RSF1: variants seen among roughly 807,000 people sequenced by gnomAD.
RSF1 encodes the protein remodeling and spacing factor 1.
A neutral mutation model predicts 145.2 loss-of-function variants in RSF1; 13 were observed. The ratio of observed to expected loss-of-function variants is 0.09; its 90% CI spans 0.06 to 0.14. The LOEUF (loss-of-function observed/expected upper bound fraction) is 0.14. Among genes scored for constraint, RSF1 ranks in the 10% least tolerant of loss-of-function variants. The pLI, the probability that RSF1 is intolerant of heterozygous loss-of-function variation, is 1.00. For missense variants in RSF1, 1,517 were observed against 1,718.2 expected, an observed-to-expected ratio of 0.88 and a Z score of 2.07; for synonymous variants, 577 against 592.6, an observed-to-expected ratio of 0.97 and a Z score of 0.38.
intron 5 of RSF1, among the ~76,000 whole-genome samples, chr11:77,721,822 G>A (rs1960947095): frequency 6.6e-6 from 1 of 152,138 alleles, no homozygotes; most frequent in Non-Finnish European, 1.5e-5. Context: ...TTCACTGAAT[G>A]AATGAATGAA....
At chr11:77,820,107 G>A (rs574556141) in intron 1 of RSF1, among the ~76,000 whole-genome samples, 1 of 152,320 alleles carries the variant, frequency 6.6e-6, no homozygotes, top group East Asian at 1.9e-4. Context: ...GGTGGGAGGA[G>A]GGGAGGGAGT....
intron 2 of RSF1, among the ~76,000 whole-genome samples, chr11:77,747,560 T>C (rs1948015151): frequency 6.6e-6 from 1 of 152,260 alleles, no homozygotes; most frequent in Admixed American, 6.5e-5. Context: ...TTGAACTCAT[T>C]GTTCTACTAT....
At chr11:77,692,232 A>ATTTTTTTTTTTTTTT (rs1565149884) in intron 8 of RSF1, among the ~76,000 whole-genome samples, 1 of 59,738 alleles carries the variant, frequency 1.7e-5, no homozygotes, top group Non-Finnish European at 3.0e-5. Context: ...ACTACTTTTA[A>ATTTTTTTTTTTTTTT]ATTTTTTTTT....
intron 1 of RSF1, among the ~76,000 whole-genome samples, chr11:77,812,882 C>T (rs897275392): frequency 3.4e-4 from 27 of 79,704 alleles, no homozygotes; most frequent in Admixed American, 2.9e-3. Flanking sequence ...AGAGCTCCAT[C>T]TCAAAAAAAA....
At chr11:77,737,546 C>A (rs1438592178) in intron 4 of RSF1, among the ~76,000 whole-genome samples, 1 of 150,870 alleles carries the variant, frequency 6.6e-6, no homozygotes, top group Non-Finnish European at 1.5e-5. Flanking sequence ...TCCTTCTGAA[C>A]AATTGCCACA....
chr11:77,787,833 T>TAA (rs57568918), intron 1 of RSF1, among the ~76,000 whole-genome samples: 81 of 129,468 alleles, frequency 6.3e-4, no homozygotes, highest in Non-Finnish European at 1.0e-3. Context: ...TTCAGAACAG[T>TAA]AAAAAAAAAA....
intron 1 of RSF1, among the ~76,000 whole-genome samples, chr11:77,805,278 G>A (rs1330705522): frequency 6.6e-6 from 1 of 152,150 alleles, no homozygotes; most frequent in Non-Finnish European, 1.5e-5. Context: ...AGACCAGCCC[G>A]GCCTACATGG....
the RSF1 span, chr11:77,841,293 C>G: frequency 4.3e-6 from 3 of 699,406 alleles, no homozygotes; most frequent in South Asian, 4.5e-5. Context: ...TGCAGACATT[C>G]AAACCATAGC....
At chr11:77,861,661 A>G in the RSF1 span, among the ~76,000 whole-genome samples, 2 of 152,266 alleles carry the variant, frequency 1.3e-5, no homozygotes, top group African/African-American at 4.8e-5. Flanking sequence ...CTATGTGGAC[A>G]ATCTTTTTTA....
chr11:77,818,653 C>T (rs180722283), intron 1 of RSF1, among the ~76,000 whole-genome samples: 2 of 152,110 alleles, frequency 1.3e-5, no homozygotes, highest in South Asian at 4.2e-4. Flanking sequence ...GTGGTGCACA[C>T]CTGTAATCCC....
At chr11:77,811,606 T>C (rs1948732234) in intron 1 of RSF1, among the ~76,000 whole-genome samples, 1 of 152,156 alleles carries the variant, frequency 6.6e-6, no homozygotes, top group South Asian at 2.1e-4. Context: ...ATGGGGATGG[T>C]ATATTCGACT....
At chr11:77,678,405 C>G (rs1230305086) in intron 11 of RSF1, among the ~76,000 whole-genome samples, 1 of 151,992 alleles carries the variant, frequency 6.6e-6, no homozygotes, top group Non-Finnish European at 1.5e-5. Flanking sequence ...TTAGTAGAGA[C>G]AGGGTTTCAT....
the RSF1 span, among the ~76,000 whole-genome samples, chr11:77,834,421 T>C: frequency 6.6e-6 from 1 of 150,582 alleles, no homozygotes; most frequent in East Asian, 2.0e-4. Flanking sequence ...ATGATGAATT[T>C]CATGGAGAAA....
intron 10 of RSF1, among the ~76,000 whole-genome samples, chr11:77,684,723 C>T (rs1229857055): frequency 6.6e-6 from 1 of 152,156 alleles, no homozygotes; most frequent in Non-Finnish European, 1.5e-5. Context: ...AGCAGTGGCT[C>T]ACACCTATAA....
At chr11:77,851,120 A>G in the RSF1 span, 6 of 151,912 alleles carry the variant, frequency 3.9e-5, no homozygotes, top group Non-Finnish European at 5.9e-5. Context: ...ACGCCCGGCT[A>G]ATTTTTGTAT....
chr11:77,857,570 G>C, the RSF1 span, among the ~76,000 whole-genome samples: 335 of 151,884 alleles, frequency 2.2e-3, 2 homozygotes, highest in African/African-American at 7.9e-3. Context: ...TGATTATTTT[G>C]TTTTATTTAT....
At position 77,811,509 on chromosome 11, in the gene RSF1, G is replaced by C. The variant is rs182941033; in HGVS notation, c.187+9019C>G. On this transcript the variant is annotated intron_variant, in intron 1 of 15. Coordinates refer to ENST00000308488, the MANE Select transcript of RSF1 (RefSeq NM_016578.4). Reference sequence around the variant, plus strand: ...TTGAAGTGGTTAATTTAACTTGAGAGACAGAAAGAAGGAAATTTTCCACAG... The same window carrying C: ...TTGAAGTGGTTAATTTAACTTGAGACACAGAAAGAAGGAAATTTTCCACAG... Among the ~76,000 whole-genome samples, 108 of 152,262 alleles carry C rather than the reference G, an allele frequency of 7.1e-4. 2 individuals are homozygous for C. The highest frequency in any genetic ancestry group is 2.5e-3 in the African/African-American group (105 of 41,536).
chr11:77,734,541 G>C (rs1204246246), intron 4 of RSF1: 4 of 1,568,992 alleles, frequency 2.5e-6, no homozygotes, highest in East Asian at 4.5e-5. Flanking sequence ...AGCCAGATTC[G>C]AGTGCTCCCA....
At position 77,769,382 on chromosome 11, in the gene RSF1, C is replaced by A. The variant is rs182291796; in HGVS notation, c.188-4693G>T. Among the ~76,000 whole-genome samples the A allele has an allele frequency of 2.6e-5, 4 of 152,344 alleles. No homozygotes were observed. In the East Asian group the frequency reaches 5.8e-4, roughly 22 times the overall value. On this transcript the variant is annotated intron_variant, in intron 1 of 15. Transcript: ENST00000308488. Reference sequence around the variant, plus strand: ...TTCATTTCCAGAAGATAATTAACTTCTTTCTAAAGATTTACTGATTAGCCA... The same window carrying A: ...TTCATTTCCAGAAGATAATTAACTTATTTCTAAAGATTTACTGATTAGCCA...
Sources: allele counts gnomAD v4.1 joint callset (sites outside exome capture counted in the v4.1 genomes callset), GRCh38; gene constraint gnomAD v4.1.1; transcripts MANE v1.5; gene names NCBI Gene and HGNC (gene_info 2026-07-23, HGNC 2026-07-21).